Variants in SIL1 observed in about 807,000 individuals in gnomAD.
SIL1 encodes SIL1 nucleotide exchange factor, also known as nucleotide exchange factor SIL1.
SIL1 carries 40 observed loss-of-function variants against 49.1 expected under a neutral mutation model. That is an observed-to-expected ratio of 0.81 (90% CI 0.63 to 1.06). The LOEUF is 1.06. Among genes scored for constraint, SIL1 ranks in the 50% least tolerant of loss-of-function variants. The pLI is 0.00. For synonymous variants in SIL1, 253 were observed against 250.8 expected (o/e 1.01, Z -0.08); for missense variants, 500 against 572.6 (o/e 0.87, Z 1.29).
chr5:139,192,978 C>CAA (rs1752200603), intron 1 of SIL1, among the ~76,000 whole-genome samples: 1 of 99,456 alleles, frequency 1.0e-5, no homozygotes, highest in African/African-American at 4.5e-5. Context: ...GCCTGGGCAA[C>CAA]AAGAGCGAAA....
rs60868398 is a variant in SIL1 at position 139,120,726 on chromosome 5, A to G, written c.244+309T>C. Among the ~76,000 whole-genome samples, 1,014 of 152,324 alleles carry G rather than the reference A, an allele frequency of 6.7e-3. 6 individuals are homozygous for G. The highest frequency in any genetic ancestry group is 0.022 in the African/African-American group (925 of 41,570). On this transcript the variant is annotated intron_variant, in intron 3 of 9. Transcript: ENST00000394817. ...GAGCCCAAAATAGCATTTGCAGAGC[A>G]AGGCACATGTCACTGCCTCTCTGGT...
intron 3 of SIL1, among the ~76,000 whole-genome samples, chr5:139,099,565 T>A (rs1393326993): frequency 1.3e-5 from 2 of 152,026 alleles, no homozygotes; most frequent in Non-Finnish European, 2.9e-5. Context: ...AAAAATGTGG[T>A]ACATATACAC....
At chr5:139,190,190 CTT>C (rs1321298939) in intron 1 of SIL1, among the ~76,000 whole-genome samples, 1 of 152,222 alleles carries the variant, frequency 6.6e-6, no homozygotes, top group Non-Finnish European at 1.5e-5. Flanking sequence ...TTCCTTCTCT[CTT>C]TCTCTTAGAG....
intron 3 of SIL1, among the ~76,000 whole-genome samples, chr5:139,103,032 G>A (rs557191284): frequency 1.3e-5 from 2 of 152,148 alleles, no homozygotes; most frequent in South Asian, 4.1e-4. Context: ...GCTTCTTAAG[G>A]GAAAGATCCT....
chr5:139,197,323 A>G (rs1369442000), intron 1 of SIL1, among the ~76,000 whole-genome samples: 1 of 149,734 alleles, frequency 6.7e-6, no homozygotes, highest in Non-Finnish European at 1.5e-5. Flanking sequence ...TTCTTCTCTT[A>G]GCAAATATGT....
At position 139,020,976 on chromosome 5, in the gene SIL1, CAG is replaced by C. The variant is rs547257337; in HGVS notation, c.767+193_767+194del. 7.4e-4 allele frequency: 505 copies of C among 686,838 alleles called. 2 individuals are homozygous for C. In the African/African-American group the frequency reaches 8.0e-3, roughly 11 times the overall value. The allele number at this position is 686,838 out of a possible 1,614,324, so 42.5% of individuals were successfully genotyped here. A position where few individuals can be genotyped will look rare whatever the true frequency, so the allele number is the denominator to read the frequency against. ...TGTCCATACACATAAGATGGGGGAA[CAG>C]AGAGTCACAGATGGTGACAACATGG... On this transcript the variant is annotated intron_variant, in intron 7 of 9. Transcript: ENST00000394817.
At chr5:139,025,614 C>A (rs1244887934) in intron 6 of SIL1, among the ~76,000 whole-genome samples, 1 of 152,144 alleles carries the variant, frequency 6.6e-6, no homozygotes, top group Non-Finnish European at 1.5e-5. Flanking sequence ...ATATCTCCAA[C>A]CTCACCTCTC....
At chr5:139,164,061 G>A (rs1429860240) in intron 1 of SIL1, among the ~76,000 whole-genome samples, 1 of 145,680 alleles carries the variant, frequency 6.9e-6, no homozygotes, top group African/African-American at 2.6e-5. Context: ...AGAGGTTGCA[G>A]TAAGACAAGA....
chr5:139,120,032 C>T (rs927039992), intron 3 of SIL1, among the ~76,000 whole-genome samples: 1 of 152,242 alleles, frequency 6.6e-6, no homozygotes, highest in Non-Finnish European at 1.5e-5. Context: ...TCTTCTGTGG[C>T]AGCAACTACC....
intron 3 of SIL1, among the ~76,000 whole-genome samples, chr5:139,069,401 G>A (rs1376975232): frequency 6.6e-6 from 1 of 151,998 alleles, no homozygotes; most frequent in Non-Finnish European, 1.5e-5. Flanking sequence ...ACATGAAAAG[G>A]AGGAAAGTTG....
At chr5:139,081,051 A>G (rs1770061702) in intron 3 of SIL1, among the ~76,000 whole-genome samples, 1 of 152,242 alleles carries the variant, frequency 6.6e-6, no homozygotes, top group African/African-American at 2.4e-5. Context: ...TAAGCACAGC[A>G]TTAACCACTG....
intron 7 of SIL1, among the ~76,000 whole-genome samples, chr5:138,987,637 T>C (rs949418864): frequency 2.4e-4 from 37 of 152,088 alleles, no homozygotes; most frequent in African/African-American, 8.7e-4. Flanking sequence ...CTGGCTCTCA[T>C]AGAAGCATTA....
chr5:138,961,005 A>T (rs1381769630), intron 7 of SIL1, among the ~76,000 whole-genome samples: 2 of 152,196 alleles, frequency 1.3e-5, no homozygotes, highest in African/African-American at 4.8e-5. Context: ...TCAATAATTC[A>T]TCAAGTAGAA....
chr5:139,074,380 T>C (rs897479133), intron 3 of SIL1, among the ~76,000 whole-genome samples: 2 of 152,342 alleles, frequency 1.3e-5, no homozygotes, highest in South Asian at 4.1e-4. Context: ...AAACATCATG[T>C]TGTACATGGA....
chr5:139,195,914 G>T (rs570546154), intron 1 of SIL1, among the ~76,000 whole-genome samples: 1 of 152,338 alleles, frequency 6.6e-6, no homozygotes, highest in Admixed American at 6.5e-5. Context: ...GCTGTGTGCA[G>T]TGGCTCACGC....
At chr5:139,009,886 G>A (rs1768213761) in intron 7 of SIL1, among the ~76,000 whole-genome samples, 1 of 147,448 alleles carries the variant, frequency 6.8e-6, no homozygotes, top group African/African-American at 2.5e-5. Context: ...CTCTCTGGCT[G>A]CCCTTAACAT....
intron 7 of SIL1, among the ~76,000 whole-genome samples, chr5:138,988,858 G>A (rs937013467): frequency 5.3e-5 from 8 of 152,164 alleles, no homozygotes; most frequent in East Asian, 1.9e-4. Context: ...GGGTGAGAGC[G>A]AGACCGTATC....
intron 7 of SIL1, among the ~76,000 whole-genome samples, chr5:138,956,794 TAACAAC>T (rs1167965458): frequency 1.5e-4 from 23 of 149,116 alleles, no homozygotes; most frequent in Non-Finnish European, 2.1e-4. Flanking sequence ...GGAATAGGTT[TAACAAC>T]AACAACAACA....
intron 7 of SIL1, among the ~76,000 whole-genome samples, chr5:139,000,659 C>G (rs1767964039): frequency 6.6e-6 from 1 of 152,024 alleles, no homozygotes; most frequent in Admixed American, 6.6e-5. Context: ...AGGCAAATAT[C>G]TCTATACCTC....
Sources: gnomAD v4.1 joint callset for allele counts (sites outside exome capture counted in the v4.1 genomes callset) on GRCh38, gnomAD v4.1.1 for gene constraint, MANE v1.5 for transcripts, NCBI Gene and HGNC (gene_info 2026-07-23, HGNC 2026-07-21) for gene names.